The following ZNF596 variants were observed in gnomAD, a reference collection of about 807,000 sequenced individuals.
ZNF596 encodes zinc finger protein 596.
ZNF596 carries 45 observed loss-of-function variants against 48.3 expected under a neutral mutation model. The ratio of observed to expected loss-of-function variants is 0.93; its 90% CI spans 0.73 to 1.19. The LOEUF is 1.19. Ranked by LOEUF, ZNF596 falls within the 50% of genes most tolerant of loss-of-function variation. The pLI is 0.00. For synonymous variants in ZNF596, 270 were observed against 202.0 expected, an observed-to-expected ratio of 1.34 and a Z score of -2.85; for missense variants, 848 against 599.7, an observed-to-expected ratio of 1.41 and a Z score of -4.32.
Position 246,109 on chromosome 8 carries a change from G to A in ZNF596, c.1262G>A (p.Cys421Tyr). 7 of 1,613,418 alleles carry A rather than the reference G, an allele frequency of 4.3e-6. No homozygotes were observed. Among genetic ancestry groups the A allele is most frequent in the Non-Finnish European group, 5.9e-6 (7 of 1,179,446 alleles). ...RTHTGEKPYE[C>Y]HLCGKAFNHS... is the part of the protein sequence containing the mutation. ...CACACTGGAGAAAAACCATATGAATGCCATCTATGCGGAAAAGCCTTCAAT... is the reference window on the plus strand; with the variant it reads ...CACACTGGAGAAAAACCATATGAATACCATCTATGCGGAAAAGCCTTCAAT... The change falls in exon 6 of 6, where the codon TGC becomes TAC. Residue 421 changes from cysteine (C) to tyrosine (Y), a missense_variant. Cys to Tyr is a radical substitution (Grantham distance 194). Transcript: ENST00000398612.
In ZNF596 at chr8:246,157, A is replaced by T. The variant is rs757239263; in HGVS notation, c.1310A>T (p.His437Leu). The change falls in exon 6 of 6, where the codon CAT becomes CTT. Residue 437 changes from histidine to leucine, a missense_variant. Coordinates refer to ENST00000398612, the MANE Select transcript of ZNF596 (RefSeq NM_001042416.3). ...AFNHSSVLRR[H>L]ERTHTGEKPY... ...AATCACTCTTCTGTCCTTAGACGAC[A>T]TGAGAGAACTCACACTGGAGAGAAA... 2 of 1,613,950 alleles carry T rather than the reference A, an allele frequency of 1.2e-6. No homozygotes were observed. Among genetic ancestry groups the T allele is most frequent in the Admixed American group, 3.3e-5 (2 of 60,020 alleles).
rs755411280 is a variant in ZNF596, at chr8:243,832, T to C, written c.223+27T>C. ...TGAGCTCTAAGAAGCAGTGCTTCAA[T>C]AGGAGGAGGAGAAACATGGCCAGTG... On this transcript the variant is annotated intron_variant, in intron 4 of 5. Coordinates refer to ENST00000398612, the MANE Select transcript of ZNF596 (RefSeq NM_001042416.3). 2.5e-6 allele frequency: 4 copies of C among 1,596,434 alleles called. No homozygotes were observed. The Admixed American group carries it at 5.0e-5, about 20-fold the overall frequency.
chr8:243,916 C>G, intron 4 of ZNF596, 111 bp downstream of exon 4: 1 of 851,622 alleles, frequency 1.2e-6, no homozygotes, highest in Non-Finnish European at 1.8e-6. Context: ...TAGACAGAAT[C>G]TCACTCTGTC....
rs540027650 is a variant in ZNF596 at position 245,654 on chromosome 8, T to A, written c.807T>A (p.His269Gln). 6.2e-7 allele frequency: 1 copy of A among 1,613,604 alleles called. No individual in the cohort carries two copies. Among genetic ancestry groups the A allele is most frequent in the Non-Finnish European group, 8.5e-7 (1 of 1,179,660 alleles). Residue 269 changes from histidine to glutamine, a missense_variant, in exon 6 of 6, where the codon CAT becomes CAA. Coordinates refer to ENST00000398612, the MANE Select transcript of ZNF596 (RefSeq NM_001042416.3). ...AFSKSSNLRR[H>Q]EMIHTREKAQ... ...GTAAAAGTTCTAACCTTAGACGACA[T>A]GAGATGATTCACACTAGAGAAAAAG... is the stretch of plus-strand genomic sequence containing the variant.
chr8:239,684 G>A (rs980551915), intron 1 of ZNF596, among the ~76,000 whole-genome samples: 3 of 152,124 alleles, frequency 2.0e-5, no homozygotes, highest in South Asian at 4.1e-4. Flanking sequence ...GCAGTTGGGG[G>A]GTACCATTGT....
At chr8:239,055 G>T (rs1188747577) in intron 1 of ZNF596, among the ~76,000 whole-genome samples, 1 of 152,120 alleles carries the variant, frequency 6.6e-6, no homozygotes, top group African/African-American at 2.4e-5. Flanking sequence ...ACTTGATCAA[G>T]CAGAAGAAAG....
chr8:244,351 T>C (rs1796973295), intron 4 of ZNF596: 5 of 412,870 alleles, frequency 1.2e-5, no homozygotes, highest in Middle Eastern at 6.5e-4. Flanking sequence ...TGTACTTATT[T>C]GAGTTAAACT....
intron 5 of ZNF596, 28 bp downstream of exon 5, chr8:244,729 C>G: frequency 6.3e-7 from 1 of 1,576,536 alleles, no homozygotes. Context: ...AAACCCTGTT[C>G]TTACATATAG....
Position 246,204 on chromosome 8 carries a change from G to A in ZNF596, c.1357G>A (p.Gly453Ser). The A allele has an allele frequency of 6.2e-7, 1 of 1,614,088 alleles. No homozygotes were observed. The highest frequency in any genetic ancestry group is 8.5e-7 in the Non-Finnish European group (1 of 1,180,014). Reference sequence around the variant, plus strand: ...GAAACCATATGAATGCAATATATGTGGTAAAGCCTTCAATAGAAGTTACAA... The same window carrying A: ...GAAACCATATGAATGCAATATATGTAGTAAAGCCTTCAATAGAAGTTACAA... The part of the protein sequence containing the change: ...GEKPYECNIC[G>S]KAFNRSYNFR... The change falls in exon 6 of 6, where the codon GGT becomes AGT. Residue 453 changes from glycine (G) to serine (S), a missense_variant. Gly to Ser is a moderately conservative substitution (Grantham distance 56). Coordinates refer to ENST00000398612, the MANE Select transcript of ZNF596 (RefSeq NM_001042416.3).
Position 246,529 on chromosome 8 carries a change from CA to C in ZNF596, c.*170del. 2.4e-6 allele frequency: 2 copies of C among 828,516 alleles called. No individual in the cohort carries two copies. Among genetic ancestry groups the C allele is most frequent in the Non-Finnish European group, 3.6e-6 (2 of 557,140 alleles). 51.3% of individuals were successfully genotyped at this position (828,516 alleles called of 1,614,324 possible). ...CCAGATGTATTTAATGTTTATGGCACAAACTTCAGACTCTAGGCTGACCATA... is the reference window on the plus strand; with the variant it reads ...CCAGATGTATTTAATGTTTATGGCACAACTTCAGACTCTAGGCTGACCATA... On this transcript the variant is annotated 3_prime_UTR_variant, in exon 6 of 6. Coordinates refer to ENST00000398612, the MANE Select transcript of ZNF596 (RefSeq NM_001042416.3).
In ZNF596 at chr8:236,728, A is replaced by C. The variant is rs1796631937; in HGVS notation, c.-73+4034A>C. Among the ~76,000 whole-genome samples, 3 of 152,182 alleles carry C rather than the reference A, an allele frequency of 2.0e-5. No individual in the cohort carries two copies. In the South Asian group the frequency reaches 6.2e-4, roughly 32 times the overall value. On this transcript the variant is annotated intron_variant, in intron 1 of 5. Coordinates refer to ENST00000398612, the MANE Select transcript of ZNF596 (RefSeq NM_001042416.3). The stretch of plus-strand genomic sequence containing the variant: ...TCTAGTATGGAATTATCCTTTTATT[A>C]TTGCAATAAACTCCACTTTACCATG...
rs765213593 is a variant in ZNF596 at position 245,662 on chromosome 8, T to C, written c.815T>C (p.Ile272Thr). The C allele has an allele frequency of 1.2e-6, 2 of 1,613,318 alleles. No homozygotes were observed. The highest frequency in any genetic ancestry group is 2.2e-5 in the South Asian group (2 of 91,048). The change falls in exon 6 of 6, where the codon ATT becomes ACT. Residue 272 changes from isoleucine to threonine, a missense_variant. By Grantham distance (89) the Ile-to-Thr change is moderately conservative. Coordinates refer to ENST00000398612, the MANE Select transcript of ZNF596 (RefSeq NM_001042416.3). ...TCTAACCTTAGACGACATGAGATGATTCACACTAGAGAAAAAGCACAGATA... is the reference window on the plus strand; with the variant it reads ...TCTAACCTTAGACGACATGAGATGACTCACACTAGAGAAAAAGCACAGATA... The part of the protein sequence containing the change: ...KSSNLRRHEM[I>T]HTREKAQICH...
intron 1 of ZNF596, among the ~76,000 whole-genome samples, chr8:237,885 T>G (rs983381329): frequency 3.9e-5 from 6 of 152,224 alleles, no homozygotes; most frequent in Non-Finnish European, 5.9e-5. Context: ...TGGCTGAGCT[T>G]CTGCCATCTG....
In ZNF596 at chr8:245,813, T is replaced by G. The variant is rs760769107; in HGVS notation, c.966T>G (p.Leu322=). 77 of 1,614,004 alleles carry G rather than the reference T, an allele frequency of 4.8e-5. No individual in the cohort carries two copies. Among genetic ancestry groups the G allele is most frequent in the Non-Finnish European group, 6.3e-5 (74 of 1,180,016 alleles). The part of the protein sequence containing the change: ...CGKAFSKCSY[L]RQHERTHNGE... The stretch of plus-strand genomic sequence containing the variant: ...AGGCTTTCAGTAAATGTTCTTACCT[T>G]AGACAACATGAAAGAACTCACAATG... Residue 322 remains leucine, a synonymous_variant, in exon 6 of 6, where the codon CTT becomes CTG. Coordinates refer to ENST00000398612, the MANE Select transcript of ZNF596 (RefSeq NM_001042416.3).
rs1797079979 is a variant in ZNF596, at chr8:246,189, G to A, written c.1342G>A (p.Glu448Lys). ...AACTCACACTGGAGAGAAACCATAT[G>A]AATGCAATATATGTGGTAAAGCCTT... The part of the protein sequence containing the change: ...ERTHTGEKPY[E>K]CNICGKAFNR... Residue 448 changes from glutamate (E) to lysine (K), a missense_variant, in exon 6 of 6, where the codon GAA (glutamate) becomes AAA (lysine). Glu to Lys is a moderately conservative substitution (Grantham distance 56, BLOSUM62 1). Transcript: ENST00000398612. 6.2e-7 allele frequency: 1 copy of A among 1,614,034 alleles called. No homozygotes were observed. The highest frequency in any genetic ancestry group is 1.1e-5 in the South Asian group (1 of 91,090).
chr8:243,805 G>C lies in ZNF596; in HGVS notation c.223G>C (p.Gly75Arg). 6.2e-7 allele frequency: 1 copy of C among 1,612,134 alleles called. No homozygotes were observed. Among genetic ancestry groups the C allele is most frequent in the Non-Finnish European group, 8.5e-7 (1 of 1,178,948 alleles). ...AACACAAAGAATAAGCTTACTGCAAGGTGAGCTCTAAGAAGCAGTGCTTCA... is the reference window on the plus strand; with the variant it reads ...AACACAAAGAATAAGCTTACTGCAACGTGAGCTCTAAGAAGCAGTGCTTCA... ...LSTQRISLLQ[G>R]REVGIKHQEI... Residue 75 changes from glycine (G) to arginine (R), a missense_variant and splice_region_variant, in exon 4 of 6, where the codon GGT becomes CGT. Physicochemically the swap from Gly to Arg is moderately radical, Grantham distance 125. Coordinates refer to ENST00000398612, the MANE Select transcript of ZNF596 (RefSeq NM_001042416.3).
intron 4 of ZNF596, 161 bp downstream of exon 4, chr8:243,966 C>T: frequency 2.0e-6 from 1 of 500,442 alleles, no homozygotes; most frequent in Non-Finnish European, 3.6e-6. Flanking sequence ...CGGCTCACTG[C>T]AACCTCTGCT....
At chr8:235,224 A>G (rs1363174049) in intron 1 of ZNF596, among the ~76,000 whole-genome samples, 1 of 152,204 alleles carries the variant, frequency 6.6e-6, no homozygotes, top group African/African-American at 2.4e-5. Context: ...TGTTCACAGA[A>G]CATCTGTTCC....
intron 1 of ZNF596, among the ~76,000 whole-genome samples, chr8:235,871 G>C (rs1377971101): frequency 6.6e-6 from 1 of 151,910 alleles, no homozygotes. Flanking sequence ...AATAACATAG[G>C]TTACATGAAA....
Sources: gnomAD v4.1 joint callset for allele counts (sites outside exome capture counted in the v4.1 genomes callset) on GRCh38, gnomAD v4.1.1 for gene constraint, MANE v1.5 for transcripts, NCBI Gene and HGNC (gene_info 2026-07-23, HGNC 2026-07-21) for gene names.